The following RTKN2 variants were observed in gnomAD, a reference collection of about 807,000 sequenced individuals.
The protein encoded by RTKN2 is rhotekin 2.
A neutral mutation model predicts 71.5 loss-of-function variants in RTKN2; 69 were observed. The ratio of observed to expected loss-of-function variants is 0.96; its 90% CI spans 0.79 to 1.18. The LOEUF is 1.18. RTKN2 is among the 50% of genes most tolerant of loss of function. The pLI is 0.00. For missense variants in RTKN2, 724 were observed against 719.7 expected (o/e 1.01, Z -0.07); for synonymous variants, 236 against 236.5 (o/e 1.00, Z 0.02).
intron 2 of RTKN2, 101 bp downstream of exon 2, chr10:62,262,524 A>C: frequency 2.6e-6 from 2 of 776,776 alleles, no homozygotes; most frequent in Non-Finnish European, 4.1e-6. Context: ...TTTTTAAAAC[A>C]GTTTGGTGAT....
intron 2 of RTKN2, chr10:62,259,342 ATTTT>A (rs776281454): frequency 3.9e-5 from 10 of 254,120 alleles, no homozygotes; most frequent in Non-Finnish European, 8.2e-5. Context: ...ATCTTTCTCC[ATTTT>A]TAATGTGATA....
chr10:62,227,307 G>A (rs909940840), intron 6 of RTKN2, among the ~76,000 whole-genome samples: 1 of 152,178 alleles, frequency 6.6e-6, no homozygotes, highest in African/African-American at 2.4e-5. Flanking sequence ...AAGGTCAGGG[G>A]AGAGTGCTAT....
intron 3 of RTKN2, among the ~76,000 whole-genome samples, chr10:62,244,797 CCA>C (rs1842446986): frequency 6.6e-6 from 1 of 152,070 alleles, no homozygotes; most frequent in Non-Finnish European, 1.5e-5. Flanking sequence ...TTTACATATT[CCA>C]GTTATTTTCT....
At chr10:62,235,991 A>G in intron 6 of RTKN2, 75 bp downstream of exon 6, 1 of 1,063,982 alleles carries the variant, frequency 9.4e-7, no homozygotes, top group Non-Finnish European at 1.4e-6. Flanking sequence ...AAGTAAACAT[A>G]CACTTCACAT....
At chr10:62,266,361 G>GA (rs1168557499) in intron 1 of RTKN2, among the ~76,000 whole-genome samples, 1 of 152,158 alleles carries the variant, frequency 6.6e-6, no homozygotes, top group Non-Finnish European at 1.5e-5. Flanking sequence ...CAGTAATCAA[G>GA]ACAGAAACTA....
chr10:62,232,710 T>A (rs1842175338), intron 6 of RTKN2, among the ~76,000 whole-genome samples: 1 of 151,962 alleles, frequency 6.6e-6, no homozygotes, highest in South Asian at 2.1e-4. Context: ...GTTTCTAAAC[T>A]GTGAAGTTTT....
intron 7 of RTKN2, among the ~76,000 whole-genome samples, chr10:62,219,720 G>A (rs1841864729): frequency 6.6e-6 from 1 of 152,008 alleles, no homozygotes; most frequent in African/African-American, 2.4e-5. Context: ...AGGCCAAGGT[G>A]GGAGGAGTGC....
chr10:62,211,089 CT>C (rs1322998925), intron 9 of RTKN2, among the ~76,000 whole-genome samples: 11 of 152,132 alleles, frequency 7.2e-5, no homozygotes, highest in African/African-American at 2.4e-4. Flanking sequence ...AAGGCTTGAT[CT>C]CAAAGACTCA....
chr10:62,199,943 A>C (rs1312458228), intron 10 of RTKN2, 82 bp from the exon 11 acceptor site: 1 of 888,812 alleles, frequency 1.1e-6, no homozygotes. Flanking sequence ...ATAGCAATAC[A>C]TTTTTGCTTT....
Position 62,204,959 on chromosome 10 carries a change from T to C in RTKN2, c.1084A>G (p.Asn362Asp). ...GTTATAGCTTGTCCAGGAACAGGAT[T>C]GATGACAGAGAAATTATGGATTCTT... Reference protein sequence around the residue: ...KKRIHNFSVINPVPGQAITQI... With the variant: ...KKRIHNFSVIDPVPGQAITQI... Residue 362 changes from asparagine (N) to aspartate (D), a missense_variant, in exon 10 of 12, where the codon AAT becomes GAT. Asn to Asp is a conservative substitution (Grantham distance 23). Coordinates refer to ENST00000373789, the MANE Select transcript of RTKN2 (RefSeq NM_145307.4). The C allele has an allele frequency of 6.2e-7, 1 of 1,601,824 alleles. No homozygotes were observed. Among genetic ancestry groups the C allele is most frequent in the Middle Eastern group, 1.7e-4 (1 of 6,034 alleles).
intron 9 of RTKN2, among the ~76,000 whole-genome samples, chr10:62,211,460 G>A (rs1841656424): frequency 6.6e-6 from 1 of 152,038 alleles, no homozygotes; most frequent in Non-Finnish European, 1.5e-5. Flanking sequence ...CTAAATAACA[G>A]AACTATTATT....
chr10:62,223,340 T>A lies in RTKN2; in HGVS notation c.687-8A>T. 1 of 1,509,552 alleles carries A rather than the reference T, an allele frequency of 6.6e-7. No homozygotes were observed. Among genetic ancestry groups the A allele is most frequent in the East Asian group, 2.3e-5 (1 of 44,282 alleles). 93.5% of individuals were successfully genotyped at this position (1,509,552 alleles called of 1,614,324 possible). ...AAATTATACTTTACACCACTAATAG[T>A]AAGAAAGAAGACATGTTTTAAGTAT... On this transcript the variant is annotated splice_polypyrimidine_tract_variant and splice_region_variant and intron_variant, in intron 6 of 11. Transcript: ENST00000373789.
At chr10:62,226,996 C>T (rs985680905) in intron 6 of RTKN2, among the ~76,000 whole-genome samples, 25 of 152,130 alleles carry the variant, frequency 1.6e-4, no homozygotes, top group African/African-American at 5.3e-4. Context: ...ATTGATAACA[C>T]ATTATAACGT....
At chr10:62,217,061 G>A in intron 9 of RTKN2, 57 bp downstream of exon 9, 1 of 1,358,870 alleles carries the variant, frequency 7.4e-7, no homozygotes, top group South Asian at 1.7e-5. Context: ...AAACTGCACA[G>A]ACAAAAACAA....
chr10:62,244,324 C>G (rs907520493), intron 3 of RTKN2, among the ~76,000 whole-genome samples: 1 of 152,102 alleles, frequency 6.6e-6, no homozygotes, highest in Non-Finnish European at 1.5e-5. Flanking sequence ...TTAAAATTAT[C>G]TTTTGGAAAG....
At chr10:62,186,858 A>G (rs1841144153) in intron 8 of RTKN2, among the ~76,000 whole-genome samples, 1 of 152,214 alleles carries the variant, frequency 6.6e-6, no homozygotes, top group South Asian at 2.1e-4. Flanking sequence ...GATGAGGACT[A>G]GCAATAAGTT....
intron 1 of RTKN2, among the ~76,000 whole-genome samples, chr10:62,263,814 G>T (rs921336118): frequency 2.6e-5 from 4 of 151,980 alleles, no homozygotes; most frequent in African/African-American, 9.7e-5. Flanking sequence ...TTAGTTTTAG[G>T]GTTCACCATG....
chr10:62,248,904 A>T (rs1433072282), intron 2 of RTKN2, among the ~76,000 whole-genome samples: 1 of 152,226 alleles, frequency 6.6e-6, no homozygotes, highest in African/African-American at 2.4e-5. Context: ...TACTAAAATA[A>T]TTCTAAATGG....
At chr10:62,208,573 C>T (rs1224376105) in intron 9 of RTKN2, among the ~76,000 whole-genome samples, 1 of 151,946 alleles carries the variant, frequency 6.6e-6, no homozygotes, top group Non-Finnish European at 1.5e-5. Context: ...AAATTCAAAA[C>T]GATATTTAAA....
Sources: allele counts gnomAD v4.1 joint callset (sites outside exome capture counted in the v4.1 genomes callset), GRCh38; gene constraint gnomAD v4.1.1; transcripts MANE v1.5; gene names NCBI Gene and HGNC (gene_info 2026-07-23, HGNC 2026-07-21).